Variants in ATG7 observed in about 807,000 individuals in gnomAD.
ATG7 encodes autophagy related 7, also known as ubiquitin-like modifier-activating enzyme ATG7.
A neutral mutation model predicts 82.4 loss-of-function variants in ATG7; 70 were observed. The ratio of observed to expected loss-of-function variants is 0.85; its 90% CI spans 0.70 to 1.04. The LOEUF is 1.04. ATG7 is among the 50% of genes least tolerant of loss of function. The probability of loss-of-function intolerance (pLI) is 0.00; values close to 1 mark genes in which losing one functional copy is unlikely to be tolerated. For synonymous variants in ATG7, 287 were observed against 313.0 expected (o/e 0.92, Z 0.88); for missense variants, 792 against 864.3 (o/e 0.92, Z 1.05).
chr3:11,322,009 C>T (rs753945538), intron 9 of ATG7, among the ~76,000 whole-genome samples: 41 of 152,218 alleles, frequency 2.7e-4, no homozygotes, highest in Middle Eastern at 3.4e-3. Flanking sequence ...CAGCAGCCCC[C>T]GGGACATCCA....
At chr3:11,357,741 T>C (rs1345209285) in intron 14 of ATG7, among the ~76,000 whole-genome samples, 1 of 152,164 alleles carries the variant, frequency 6.6e-6, no homozygotes, top group Non-Finnish European at 1.5e-5. Flanking sequence ...CAGGGTACGG[T>C]GGCTCATGCC....
intron 19 of ATG7, among the ~76,000 whole-genome samples, chr3:11,395,796 C>G (rs986415482): frequency 4.6e-5 from 7 of 151,748 alleles, no homozygotes; most frequent in Admixed American, 1.3e-4. Context: ...AAAAATTAGC[C>G]GGGCGTGGTG....
intron 20 of ATG7, among the ~76,000 whole-genome samples, chr3:11,501,309 C>A (rs550169096): frequency 5.3e-5 from 8 of 152,198 alleles, no homozygotes; most frequent in African/African-American, 1.9e-4. Context: ...ATAAGAGGAA[C>A]AAGAAAATTA....
intron 20 of ATG7, among the ~76,000 whole-genome samples, chr3:11,502,029 T>C (rs956194093): frequency 2.3e-5 from 1 of 42,912 alleles, no homozygotes; most frequent in African/African-American, 9.1e-5. Context: ...TAAACATATA[T>C]ACACACATAC....
At chr3:11,530,537 T>A (rs1181322776) in intron 20 of ATG7, among the ~76,000 whole-genome samples, 2 of 152,184 alleles carry the variant, frequency 1.3e-5, no homozygotes, top group Admixed American at 1.3e-4. Flanking sequence ...CCCAATTCTT[T>A]CCAGTCGGCA....
chr3:11,440,617 C>T (rs2083828261), intron 20 of ATG7, among the ~76,000 whole-genome samples: 3 of 149,370 alleles, frequency 2.0e-5, no homozygotes, highest in Non-Finnish European at 4.4e-5. Flanking sequence ...AGCCACCGCG[C>T]CCGGCCTTTA....
At chr3:11,568,673 G>A in the ATG7 span, 184 of 1,555,424 alleles carry the variant, frequency 1.2e-4, no homozygotes, top group Non-Finnish European at 1.4e-4. The surrounding 1 kb of genome is among the most constrained non-coding windows in gnomAD (Gnocchi z 5.9). Context: ...CCGCTCGCCC[G>A]GATGAATCAC....
At chr3:11,328,923 C>A (rs1220743457) in intron 9 of ATG7, among the ~76,000 whole-genome samples, 1 of 152,156 alleles carries the variant, frequency 6.6e-6, no homozygotes, top group Non-Finnish European at 1.5e-5. Flanking sequence ...CCCGTCTCTA[C>A]TGAAAAAATA....
chr3:11,387,330 T>C (rs970328187), intron 19 of ATG7, among the ~76,000 whole-genome samples: 2 of 152,230 alleles, frequency 1.3e-5, no homozygotes, highest in Non-Finnish European at 2.9e-5. Context: ...CTTGTTACTT[T>C]TGACCTGTGG....
intron 16 of ATG7, among the ~76,000 whole-genome samples, chr3:11,361,465 A>G (rs980705534): frequency 1.3e-5 from 2 of 151,786 alleles, no homozygotes; most frequent in Non-Finnish European, 2.9e-5. Context: ...TTGTATTTTT[A>G]GTAGAGACGG....
At chr3:11,437,835 G>C (rs771370471) in intron 20 of ATG7, among the ~76,000 whole-genome samples, 1 of 152,114 alleles carries the variant, frequency 6.6e-6, no homozygotes, top group Non-Finnish European at 1.5e-5. Context: ...GCATGAATCT[G>C]CTAAGAATAT....
At chr3:11,332,170 T>G (rs1282105926) in intron 10 of ATG7, among the ~76,000 whole-genome samples, 1 of 110,444 alleles carries the variant, frequency 9.1e-6, no homozygotes, top group Non-Finnish European at 1.8e-5. Flanking sequence ...AATTTAAGTA[T>G]ATCCCTTATG....
intron 16 of ATG7, among the ~76,000 whole-genome samples, chr3:11,361,675 G>A (rs762458537): frequency 6.6e-6 from 1 of 152,132 alleles, no homozygotes; most frequent in African/African-American, 2.4e-5. Flanking sequence ...ATTTAACTGA[G>A]TGTCTTGTAT....
At chr3:11,476,202 G>A (rs184943837) in intron 20 of ATG7, among the ~76,000 whole-genome samples, 1 of 152,262 alleles carries the variant, frequency 6.6e-6, no homozygotes, top group Admixed American at 6.5e-5. Context: ...TTTGGTTCTG[G>A]CTTTTTCTTT....
intron 11 of ATG7, among the ~76,000 whole-genome samples, chr3:11,336,426 T>A (rs1241317455): frequency 6.6e-6 from 1 of 152,204 alleles, no homozygotes; most frequent in Non-Finnish European, 1.5e-5. Flanking sequence ...ATCTTCTTAA[T>A]GCCTGATATT....
chr3:11,525,042 T>C (rs1559798232), intron 20 of ATG7, among the ~76,000 whole-genome samples: 1 of 152,038 alleles, frequency 6.6e-6, no homozygotes, highest in Non-Finnish European at 1.5e-5. Flanking sequence ...TTTATTTATT[T>C]ATTTATTTAT....
At chr3:11,413,087 C>T (rs577841149) in intron 19 of ATG7, among the ~76,000 whole-genome samples, 2 of 152,186 alleles carry the variant, frequency 1.3e-5, no homozygotes, top group East Asian at 1.9e-4. Flanking sequence ...GGGTTTTGTA[C>T]ATGTAAAATC....
At chr3:11,281,774 CAAA>C (rs537058033) in intron 2 of ATG7, among the ~76,000 whole-genome samples, 4 of 56,382 alleles carry the variant, frequency 7.1e-5, no homozygotes, top group African/African-American at 1.3e-4. Flanking sequence ...AACTCCATCT[CAAA>C]AAAAAAAAAA....
chr3:11,511,277 A>G (rs1175125658), intron 20 of ATG7, among the ~76,000 whole-genome samples: 1 of 152,066 alleles, frequency 6.6e-6, no homozygotes, highest in South Asian at 2.1e-4. Flanking sequence ...CTGTTTTGTC[A>G]GGGCGCTGAT....
Sources: gnomAD v4.1 joint callset for allele counts (sites outside exome capture counted in the v4.1 genomes callset) on GRCh38, gnomAD v4.1.1 for gene constraint, Gnocchi (gnomAD v3.1) non-coding constraint, MANE v1.5 for transcripts, NCBI Gene and HGNC (gene_info 2026-07-23, HGNC 2026-07-21) for gene names.